The following NELL1 variants were observed in gnomAD, a reference collection of about 807,000 sequenced individuals.
NELL1 encodes protein kinase C-binding protein NELL1.
In NELL1, 76 loss-of-function variants were observed where a neutral mutation model predicts 107.4. That is an observed-to-expected ratio of 0.71 (90% CI 0.59 to 0.86). The LOEUF (loss-of-function observed/expected upper bound fraction) is 0.86. Ranked by LOEUF, NELL1 falls within the 40% of genes least tolerant of loss-of-function variation. The pLI is 0.00. For missense variants in NELL1, 1,024 were observed against 1,005.5 expected, an observed-to-expected ratio of 1.02 and a Z score of -0.25; for synonymous variants, 353 against 341.2, an observed-to-expected ratio of 1.03 and a Z score of -0.38.
chr11:20,721,690 A>G (rs1315421481), intron 2 of NELL1, among the ~76,000 whole-genome samples: 1 of 152,196 alleles, frequency 6.6e-6, no homozygotes, highest in Non-Finnish European at 1.5e-5. Context: ...ACAGTCTAGC[A>G]TAATATAATA....
chr11:21,337,795 TC>T (rs1850455243), intron 14 of NELL1, among the ~76,000 whole-genome samples: 4 of 132,854 alleles, frequency 3.0e-5, no homozygotes, highest in Non-Finnish European at 6.4e-5. Flanking sequence ...TTTCTTTCTT[TC>T]CTTCTTTCTT....
chr11:21,241,904 ATTT>A (rs10652603), intron 14 of NELL1, among the ~76,000 whole-genome samples: 15 of 134,146 alleles, frequency 1.1e-4, no homozygotes, highest in African/African-American at 1.7e-4. Context: ...GTCTGTTTCT[ATTT>A]TTTTTTTTTT....
At chr11:21,481,592 A>AT (rs1328059118) in intron 15 of NELL1, among the ~76,000 whole-genome samples, 2 of 152,242 alleles carry the variant, frequency 1.3e-5, no homozygotes, top group African/African-American at 4.8e-5. Context: ...GAGAATAGAT[A>AT]TTAAAGCTGG....
chr11:21,252,767 C>G (rs898007347), intron 14 of NELL1, among the ~76,000 whole-genome samples: 1 of 152,104 alleles, frequency 6.6e-6, no homozygotes, highest in Non-Finnish European at 1.5e-5. Context: ...AAGGAAAACA[C>G]TCAGGATAAG....
At chr11:20,684,326 G>A (rs764488075) in intron 2 of NELL1, among the ~76,000 whole-genome samples, 1 of 151,816 alleles carries the variant, frequency 6.6e-6, no homozygotes, top group Non-Finnish European at 1.5e-5. Context: ...TTCTCTCTGT[G>A]TATAATTTTT....
At chr11:21,114,806 C>T (rs760673219) in intron 13 of NELL1, among the ~76,000 whole-genome samples, 2 of 151,874 alleles carry the variant, frequency 1.3e-5, no homozygotes, top group Admixed American at 6.6e-5. Flanking sequence ...AAACATAGTG[C>T]GCTAGGATTT....
chr11:21,472,365 T>C lies in NELL1; in HGVS notation c.1646-62009T>C, dbSNP rs77369090. 3.1e-3 allele frequency among the ~76,000 whole-genome samples: 477 copies of C among 152,130 alleles called. 27 individuals carry two copies. The East Asian group carries it at 0.085, about 27-fold the overall frequency. ...TTGCTTGCTTTCTCTTAACCTGAGT[T>C]GTTGAACTTTAAAGATTTGGAGCAC... On this transcript the variant is annotated intron_variant, in intron 15 of 19. Transcript: ENST00000357134.
chr11:20,734,388 T>C (rs1590244145), intron 2 of NELL1, among the ~76,000 whole-genome samples: 1 of 152,066 alleles, frequency 6.6e-6, no homozygotes, highest in Non-Finnish European at 1.5e-5. Flanking sequence ...GTGTATAAGG[T>C]GAAGAATGTA....
chr11:20,879,994 C>G (rs1849378072), intron 4 of NELL1, among the ~76,000 whole-genome samples: 1 of 151,952 alleles, frequency 6.6e-6, no homozygotes, highest in South Asian at 2.1e-4. Flanking sequence ...TCCATAATAT[C>G]AGATTAAACA....
intron 12 of NELL1, among the ~76,000 whole-genome samples, chr11:21,058,300 C>A (rs1309833649): frequency 6.6e-6 from 1 of 151,990 alleles, no homozygotes; most frequent in Admixed American, 6.6e-5. Context: ...TCTTTATATC[C>A]TCCTTCAATT....
intron 12 of NELL1, among the ~76,000 whole-genome samples, chr11:21,068,441 A>G (rs1853932701): frequency 6.6e-6 from 1 of 152,218 alleles, no homozygotes; most frequent in Non-Finnish European, 1.5e-5. Flanking sequence ...TTTCCACTTC[A>G]TTAGATAAAC....
intron 13 of NELL1, among the ~76,000 whole-genome samples, chr11:21,172,867 T>C (rs1250391946): frequency 6.6e-6 from 1 of 151,692 alleles, no homozygotes; most frequent in Non-Finnish European, 1.5e-5. Flanking sequence ...ATTTTTTAAA[T>C]GTAGGCCTTT....
intron 4 of NELL1, among the ~76,000 whole-genome samples, chr11:20,850,823 G>A (rs1848782310): frequency 6.6e-6 from 1 of 152,114 alleles, no homozygotes; most frequent in South Asian, 2.1e-4. Flanking sequence ...CTCTACTATA[G>A]GCCAGGTAAT....
At chr11:20,772,857 A>C (rs983260064) in intron 2 of NELL1, among the ~76,000 whole-genome samples, 2 of 152,248 alleles carry the variant, frequency 1.3e-5, no homozygotes, top group East Asian at 3.8e-4. Flanking sequence ...TTAGTAGAAC[A>C]CGTTTTAACT....
chr11:21,136,808 T>TA, intron 13 of NELL1, among the ~76,000 whole-genome samples: 1 of 152,124 alleles, frequency 6.6e-6, no homozygotes, highest in South Asian at 2.1e-4. Context: ...AAGACTATTG[T>TA]AAAAAATGGT....
At chr11:20,863,300 GCAGC>G (rs1849018402) in intron 4 of NELL1, among the ~76,000 whole-genome samples, 1 of 139,888 alleles carries the variant, frequency 7.1e-6, no homozygotes, top group Non-Finnish European at 1.6e-5. Flanking sequence ...CCCGGACGGG[GCAGC>G]TGGCCAGGCA....
intron 15 of NELL1, among the ~76,000 whole-genome samples, chr11:21,505,330 C>T (rs549551262): frequency 1.3e-5 from 2 of 152,232 alleles, no homozygotes; most frequent in Admixed American, 6.5e-5. Context: ...TAGAGGAACA[C>T]ATGGACTCTT....
chr11:21,539,208 T>C (rs1453699235), intron 16 of NELL1, among the ~76,000 whole-genome samples: 1 of 152,018 alleles, frequency 6.6e-6, no homozygotes, highest in African/African-American at 2.4e-5. Flanking sequence ...AGGGAGAGTA[T>C]ACAGATGTGC....
chr11:21,207,096 C>T (rs925736006), intron 13 of NELL1, among the ~76,000 whole-genome samples: 4 of 152,212 alleles, frequency 2.6e-5, no homozygotes, highest in South Asian at 4.1e-4. Flanking sequence ...AACCTTGAAA[C>T]ATTGGACCAC....
Sources: allele counts gnomAD v4.1 joint callset (sites outside exome capture counted in the v4.1 genomes callset), GRCh38; gene constraint gnomAD v4.1.1; transcripts MANE v1.5; gene names NCBI Gene and HGNC (gene_info 2026-07-23, HGNC 2026-07-21).